The following CFAP54 variants were observed in gnomAD, a reference collection of about 807,000 sequenced individuals.
The protein encoded by CFAP54 is cilia and flagella associated protein 54, also known as cilia- and flagella-associated protein 54.
In CFAP54, 290 loss-of-function variants were observed where a neutral mutation model predicts 370.4. The ratio of observed to expected loss-of-function variants is 0.78; its 90% CI spans 0.71 to 0.86. The LOEUF (loss-of-function observed/expected upper bound fraction) is 0.86. CFAP54 is among the 40% of genes least tolerant of loss of function. The pLI is 0.00. For missense variants in CFAP54, 3,399 were observed against 3,528.7 expected, an observed-to-expected ratio of 0.96 and a Z score of 0.93; for synonymous variants, 1,206 against 1,236.5, an observed-to-expected ratio of 0.98 and a Z score of 0.52.
intron 6 of CFAP54, among the ~76,000 whole-genome samples, chr12:96,521,545 T>TGTGTGTGC (rs1955317805): frequency 7.3e-5 from 3 of 41,274 alleles, no homozygotes; most frequent in Non-Finnish European, 1.1e-4. Context: ...TGTGTGTGTG[T>TGTGTGTGC]GTGCGCGTGC....
rs1168345130 is a variant in CFAP54 at position 96,875,458 on chromosome 12, T to C, written c.*355T>C. ...CTCGCTCTCATTTGTCCAGCTTATC[T>C]ATTTCTTTATCAAGTTGCTTTGGCT... is the stretch of plus-strand genomic sequence containing the variant. On this transcript the variant is annotated 3_prime_UTR_variant, in exon 68 of 68. Coordinates refer to ENST00000524981, the MANE Select transcript of CFAP54 (RefSeq NM_001306084.2). 6.6e-6 allele frequency: 1 copy of C among 152,222 alleles called. No homozygotes were observed. The highest frequency in any genetic ancestry group is 1.5e-5 in the Non-Finnish European group (1 of 68,040). 9.4% of individuals were successfully genotyped at this position (152,222 alleles called of 1,614,324 possible). A position where few individuals can be genotyped will look rare whatever the true frequency, so the allele number is the denominator to read the frequency against.
At position 96,804,768 on chromosome 12, in the gene CFAP54, A is replaced by T. The variant is rs185975132; in HGVS notation, c.8851-6968A>T. On this transcript the variant is annotated intron_variant, in intron 63 of 67. Transcript: ENST00000524981. ...CCTAAAATTCATATGGAACAAAAAA[A>T]CAGCTGGAATAGCCAAAGCAATTCT... 5.9e-3 allele frequency among the ~76,000 whole-genome samples: 893 copies of T among 152,302 alleles called. 8 individuals carry two copies. The highest frequency in any genetic ancestry group is 8.8e-3 in the Admixed American group (134 of 15,290).
In CFAP54 at chr12:96,629,163, G is replaced by A. The variant is rs4762312; in HGVS notation, c.4104-930G>A. ...AGTTATAAGGGAAGAAGTGTCCATC[G>A]TTACTTTATTTTCAATCCAGTTCTG... is the stretch of plus-strand genomic sequence containing the variant. On this transcript the variant is annotated intron_variant, in intron 30 of 67. Transcript: ENST00000524981. Among the ~76,000 whole-genome samples, 1,434 of 152,104 alleles carry A rather than the reference G, an allele frequency of 9.4e-3. 52 individuals carry two copies. In the East Asian group the frequency reaches 0.099, roughly 10 times the overall value.
chr12:96,639,818 A>G (rs1422028140), intron 32 of CFAP54, among the ~76,000 whole-genome samples: 1 of 152,238 alleles, frequency 6.6e-6, no homozygotes, highest in African/African-American at 2.4e-5. Flanking sequence ...AACAGAACCA[A>G]CGACAAAAAC....
chr12:96,740,981 C>G (rs1314609294), intron 51 of CFAP54, among the ~76,000 whole-genome samples: 2 of 152,098 alleles, frequency 1.3e-5, no homozygotes, highest in Non-Finnish European at 2.9e-5. Context: ...GTTGAGAAAC[C>G]CTGATTGAGA....
At chr12:96,571,558 A>G (rs1407273015) in intron 19 of CFAP54, among the ~76,000 whole-genome samples, 1 of 152,184 alleles carries the variant, frequency 6.6e-6, no homozygotes, top group Non-Finnish European at 1.5e-5. Flanking sequence ...CGTCATGGAA[A>G]GTCTACTTCT....
chr12:96,635,771 T>C (rs815906), intron 32 of CFAP54, among the ~76,000 whole-genome samples: 30,679 of 152,144 alleles, frequency 0.2, 3,598 homozygotes, highest in South Asian at 0.32. Context: ...AGAAAAACAC[T>C]TTAAATGTTT....
intron 65 of CFAP54, among the ~76,000 whole-genome samples, chr12:96,819,428 A>G (rs1437253061): frequency 6.6e-6 from 1 of 152,244 alleles, no homozygotes; most frequent in Non-Finnish European, 1.5e-5. Flanking sequence ...GGAAGACAGA[A>G]AGCCAGACAA....
At chr12:96,507,782 A>G (rs968491646) in intron 4 of CFAP54, among the ~76,000 whole-genome samples, 4 of 152,316 alleles carry the variant, frequency 2.6e-5, no homozygotes, top group African/African-American at 9.6e-5. Flanking sequence ...ATGGCAACTG[A>G]AAGTATATTT....
chr12:96,644,535 G>T, intron 33 of CFAP54, 127 bp downstream of exon 33: 1 of 666,082 alleles, frequency 1.5e-6, no homozygotes, highest in South Asian at 2.0e-5. Flanking sequence ...CTTTATACTG[G>T]CTCTATTAGT....
intron 56 of CFAP54, 116 bp downstream of exon 56, chr12:96,754,014 G>T: frequency 3.1e-6 from 3 of 968,996 alleles, no homozygotes; most frequent in Non-Finnish European, 4.4e-6. Flanking sequence ...CATACAAAGG[G>T]CTTAGAGATG....
chr12:96,830,247 C>G (rs1959166590), intron 66 of CFAP54, among the ~76,000 whole-genome samples: 1 of 152,096 alleles, frequency 6.6e-6, no homozygotes, highest in African/African-American at 2.4e-5. Flanking sequence ...TATGGTAATT[C>G]TATGTTTAAC....
In CFAP54 at chr12:96,581,045, T is replaced by A; in HGVS notation, c.3015T>A (p.Thr1005=). Residue 1005 remains threonine, a synonymous_variant, in exon 22 of 68, where the codon ACT becomes ACA. Transcript: ENST00000524981. ...TCGGTGGTGCTATTGGGGAGACAAC[T>A]AAACCAATTCTGGTTTATCCCCCTC... ...KLVGGAIGET[T]KPILVYPPLS... The A allele has an allele frequency of 1.3e-6, 2 of 1,531,948 alleles. No homozygotes were observed. Among genetic ancestry groups the A allele is most frequent in the African/African-American group, 1.4e-5 (1 of 72,958 alleles). 94.9% of individuals were successfully genotyped at this position (1,531,948 alleles called of 1,614,324 possible).
chr12:96,511,849 A>G (rs973748022), intron 4 of CFAP54, among the ~76,000 whole-genome samples: 7 of 152,244 alleles, frequency 4.6e-5, no homozygotes, highest in African/African-American at 1.7e-4. Context: ...ATGGTTACGA[A>G]TATTAGATAC....
At chr12:96,660,862 G>T (rs752175313) in intron 38 of CFAP54, among the ~76,000 whole-genome samples, 1 of 152,134 alleles carries the variant, frequency 6.6e-6, no homozygotes, top group Non-Finnish European at 1.5e-5. Context: ...CCCACTCCTT[G>T]GGTTCGATTA....
At chr12:96,605,638 ACCTATT>A (rs5800255) in intron 26 of CFAP54, among the ~76,000 whole-genome samples, 15,074 of 152,216 alleles carry the variant, frequency 0.099, 910 homozygotes, top group South Asian at 0.28. Flanking sequence ...ATTTACGATT[ACCTATT>A]TGTGTCAGGC....
In CFAP54 at chr12:96,758,733, G is replaced by A. The variant is rs568006739; in HGVS notation, c.8040+1145G>A. Reference sequence around the variant, plus strand: ...CCCAGCAAAGAGTTGCAGAGGGGTCGCATCTTGTAGCTAGAGCAGTGCTTC... The same window carrying A: ...CCCAGCAAAGAGTTGCAGAGGGGTCACATCTTGTAGCTAGAGCAGTGCTTC... On this transcript the variant is annotated intron_variant, in intron 58 of 67. Transcript: ENST00000524981. 4.6e-5 allele frequency among the ~76,000 whole-genome samples: 7 copies of A among 152,254 alleles called. No individual in the cohort carries two copies. In the South Asian group the frequency reaches 1.0e-3, roughly 23 times the overall value.
chr12:96,815,402 T>A (rs1363852620), intron 64 of CFAP54, among the ~76,000 whole-genome samples: 1 of 49,460 alleles, frequency 2.0e-5, no homozygotes, highest in African/African-American at 9.8e-5. Flanking sequence ...GATGGGGTTG[T>A]TTGTTTTTTT....
intron 19 of CFAP54, among the ~76,000 whole-genome samples, chr12:96,571,253 T>C (rs926747772): frequency 3.3e-5 from 5 of 152,208 alleles, no homozygotes; most frequent in Non-Finnish European, 7.3e-5. Context: ...GGTTTCATTT[T>C]CTCTAAGGGA....
Sources: gnomAD v4.1 joint callset for allele counts (sites outside exome capture counted in the v4.1 genomes callset) on GRCh38, gnomAD v4.1.1 for gene constraint, MANE v1.5 for transcripts, NCBI Gene and HGNC (gene_info 2026-07-23, HGNC 2026-07-21) for gene names.